RGS7: variants seen among roughly 807,000 people sequenced by gnomAD.
RGS7 encodes regulator of G protein signaling 7.
RGS7 carries 27 observed loss-of-function variants against 81.1 expected under a neutral mutation model. That is an observed-to-expected ratio of 0.33 (90% CI 0.25 to 0.46). The LOEUF (loss-of-function observed/expected upper bound fraction) is 0.46, where lower values mean the gene tolerates loss of function less well. Ranked by LOEUF, RGS7 falls within the 20% of genes least tolerant of loss-of-function variation. The probability of loss-of-function intolerance (pLI) is 1.00; values close to 1 mark genes in which losing one functional copy is unlikely to be tolerated. For missense variants in RGS7, 396 were observed against 607.4 expected (o/e 0.65, Z 3.66); for synonymous variants, 208 against 207.7 (o/e 1.00, Z -0.01).
intron 2 of RGS7, among the ~76,000 whole-genome samples, chr1:241,327,167 C>A (rs879892568): frequency 0.026 from 2,903 of 113,598 alleles, 437 homozygotes; most frequent in East Asian, 0.076. Flanking sequence ...AAGAAAGAAA[C>A]ACACAGACTA....
intron 7 of RGS7, among the ~76,000 whole-genome samples, 160 bp downstream of exon 7, chr1:240,869,895 G>A (rs773767521): frequency 2.6e-5 from 4 of 152,102 alleles, no homozygotes; most frequent in Non-Finnish European, 4.4e-5. Flanking sequence ...AGCCAAGATC[G>A]TGCCACTGCA....
intron 2 of RGS7, among the ~76,000 whole-genome samples, chr1:241,175,504 T>TCCAA (rs1021422972): frequency 1.4e-4 from 21 of 152,300 alleles, no homozygotes; most frequent in Admixed American, 2.0e-4. Context: ...CAGGCTTTAT[T>TCCAA]CCAAGGTTTA....
At chr1:241,256,165 T>C (rs1036308532) in intron 2 of RGS7, among the ~76,000 whole-genome samples, 3 of 152,214 alleles carry the variant, frequency 2.0e-5, no homozygotes, top group African/African-American at 7.2e-5. Flanking sequence ...GACTGAACCA[T>C]CAATTTCTTA....
intron 2 of RGS7, chr1:241,186,333 A>T: frequency 5.1e-6 from 1 of 196,294 alleles, no homozygotes; most frequent in Non-Finnish European, 9.3e-6. Context: ...AAACAGATAA[A>T]CAAATACTGG....
chr1:241,034,418 A>C (rs957086171), intron 3 of RGS7, among the ~76,000 whole-genome samples: 2 of 152,210 alleles, frequency 1.3e-5, no homozygotes, highest in Admixed American at 1.3e-4. Context: ...GGAAGGCAGA[A>C]AAATATCCTT....
chr1:240,949,458 T>G (rs951575321), intron 4 of RGS7, among the ~76,000 whole-genome samples: 2 of 152,140 alleles, frequency 1.3e-5, no homozygotes, highest in African/African-American at 4.8e-5. Flanking sequence ...TTTTAGGTGC[T>G]TAACTACAAG....
rs1162932874 is a variant in RGS7, at chr1:241,167,483, A to G, written c.79-68721T>C. On this transcript the variant is annotated intron_variant, in intron 2 of 18. Coordinates refer to ENST00000440928, the MANE Select transcript of RGS7 (RefSeq NM_001364886.1). ...AATGTGTCATGTGGCATCAACCAGGAGATTTCCACAGGGACAGCTGTACTC... is the reference window on the plus strand; with the variant it reads ...AATGTGTCATGTGGCATCAACCAGGGGATTTCCACAGGGACAGCTGTACTC... Among the ~76,000 whole-genome samples, 7 of 151,024 alleles carry G rather than the reference A, an allele frequency of 4.6e-5. No individual in the cohort carries two copies. In the East Asian group the frequency reaches 1.4e-3, roughly 29 times the overall value.
intron 6 of RGS7, among the ~76,000 whole-genome samples, chr1:240,926,695 G>A (rs1035964720): frequency 2.0e-5 from 3 of 152,150 alleles, no homozygotes; most frequent in African/African-American, 7.2e-5. Flanking sequence ...CAAGTCCTTA[G>A]TGCTGGATCT....
At chr1:241,335,473 G>T (rs2082192761) in intron 2 of RGS7, among the ~76,000 whole-genome samples, 1 of 152,136 alleles carries the variant, frequency 6.6e-6, no homozygotes, top group African/African-American at 2.4e-5. Flanking sequence ...TGGGTTTGAG[G>T]AACTACTTAT....
intron 6 of RGS7, among the ~76,000 whole-genome samples, chr1:240,888,730 A>G (rs982419758): frequency 2.0e-5 from 3 of 152,056 alleles, no homozygotes; most frequent in African/African-American, 4.8e-5. Flanking sequence ...CTGATGAGGC[A>G]ATTTAGGCTG....
intron 9 of RGS7, among the ~76,000 whole-genome samples, chr1:240,828,741 T>A (rs1572293219): frequency 6.6e-6 from 1 of 152,178 alleles, no homozygotes; most frequent in Non-Finnish European, 1.5e-5. Flanking sequence ...GAGCCAAGAT[T>A]GCGCCAATGC....
In RGS7 at chr1:241,160,125, A is replaced by AAAAAAGAAAAAG. The variant is rs1209388816; in HGVS notation, c.79-61375_79-61364dup. ...GACTCCATCTCAAAAAAAAAAAAAA[A>AAAAAAGAAAAAG]AAAAAGAAAAAGAAAAAGAAAAAGA... On this transcript the variant is annotated intron_variant, in intron 2 of 18. Coordinates refer to ENST00000440928, the MANE Select transcript of RGS7 (RefSeq NM_001364886.1). Among the ~76,000 whole-genome samples the AAAAAAGAAAAAG allele has an allele frequency of 4.2e-5, 6 of 141,352 alleles. No homozygotes were observed. In the East Asian group the frequency reaches 6.0e-4, roughly 14 times the overall value. The allele number at this position is 141,352 out of a possible 152,430, so 92.7% of individuals were successfully genotyped here.
At chr1:240,934,426 A>T (rs866342413) in intron 5 of RGS7, among the ~76,000 whole-genome samples, 2 of 152,226 alleles carry the variant, frequency 1.3e-5, no homozygotes, top group South Asian at 2.1e-4. Flanking sequence ...ACGTAAAAAC[A>T]GAAGTGAAGA....
At chr1:241,221,290 A>C (rs1396961770) in intron 2 of RGS7, among the ~76,000 whole-genome samples, 1 of 152,228 alleles carries the variant, frequency 6.6e-6, no homozygotes, top group Non-Finnish European at 1.5e-5. Context: ...ATAAGTACGC[A>C]AATCTATCAT....
At chr1:240,948,638 T>C (rs1204706929) in intron 4 of RGS7, among the ~76,000 whole-genome samples, 2 of 151,982 alleles carry the variant, frequency 1.3e-5, no homozygotes, top group Non-Finnish European at 2.9e-5. Flanking sequence ...AGACTGGGTT[T>C]CACCATGTTG....
intron 2 of RGS7, among the ~76,000 whole-genome samples, chr1:241,307,984 G>A (rs757821159): frequency 3.9e-5 from 6 of 152,116 alleles, no homozygotes; most frequent in Non-Finnish European, 7.3e-5. Flanking sequence ...TCACTCCATC[G>A]ACTGACTTCA....
At chr1:241,077,348 C>T (rs1039989849) in intron 3 of RGS7, among the ~76,000 whole-genome samples, 5 of 152,092 alleles carry the variant, frequency 3.3e-5, no homozygotes, top group Admixed American at 6.5e-5. Flanking sequence ...ACGGATGACA[C>T]AAAAATGGCT....
At chr1:241,233,491 G>A (rs937867773) in intron 2 of RGS7, among the ~76,000 whole-genome samples, 1 of 152,150 alleles carries the variant, frequency 6.6e-6, no homozygotes, top group African/African-American at 2.4e-5. Flanking sequence ...TGGGATATTT[G>A]TCTTTCTGTG....
At chr1:240,912,083 G>A (rs561641011) in intron 6 of RGS7, among the ~76,000 whole-genome samples, 37 of 148,454 alleles carry the variant, frequency 2.5e-4, no homozygotes, top group African/African-American at 8.5e-4. Flanking sequence ...CCCATGAGGC[G>A]GAGCTTGCAG....
Sources: gnomAD v4.1 joint callset for allele counts (sites outside exome capture counted in the v4.1 genomes callset) on GRCh38, gnomAD v4.1.1 for gene constraint, MANE v1.5 for transcripts, NCBI Gene and HGNC (gene_info 2026-07-23, HGNC 2026-07-21) for gene names.